The following KIDINS220 variants were observed in gnomAD, a reference collection of about 807,000 sequenced individuals.
KIDINS220 encodes kinase D-interacting substrate of 220 kDa.
KIDINS220 carries 63 observed loss-of-function variants against 157.6 expected under a neutral mutation model. The observed-to-expected ratio is 0.40, with a 90% CI of 0.33 to 0.49. The LOEUF is 0.49. Among genes scored for constraint, KIDINS220 ranks in the 20% least tolerant of loss-of-function variants. KIDINS220 has a pLI of 0.66. For missense variants in KIDINS220, 1,772 were observed against 2,171.2 expected (o/e 0.82, Z 3.65); for synonymous variants, 732 against 783.6 (o/e 0.93, Z 1.10).
rs948228713 is a variant in KIDINS220, at chr2:8,757,515, G to A, written c.3012-5871C>T. The stretch of plus-strand genomic sequence containing the variant: ...GAGGAGCAGAAGTGACTGTACTGTT[G>A]TTTGCTCTTTAATGTTTCAACTACC... On this transcript the variant is annotated intron_variant, in intron 22 of 29. Transcript: ENST00000256707. 9 of 1,434,298 alleles carry A rather than the reference G, an allele frequency of 6.3e-6. No individual in the cohort carries two copies. In the East Asian group the frequency reaches 2.3e-4, roughly 37 times the overall value. The allele number at this position is 1,434,298 out of a possible 1,614,324, so 88.8% of individuals were successfully genotyped here.
chr2:8,730,121 G>A lies in KIDINS220; in HGVS notation c.*599C>T, dbSNP rs1663830767. The A allele has an allele frequency of 1.0e-6, 1 of 985,764 alleles. No individual in the cohort carries two copies. The highest frequency in any genetic ancestry group is 1.2e-6 in the Non-Finnish European group (1 of 830,342). 61.1% of individuals were successfully genotyped at this position (985,764 alleles called of 1,614,324 possible). ...CCGTCACACTACTGCCAGCCCTGGT[G>A]ACTCACTTTGTTGGCAATTTTTAAA... On this transcript the variant is annotated 3_prime_UTR_variant, in exon 30 of 30. Transcript: ENST00000256707.
Position 8,761,306 on chromosome 2 carries a change from A to G in KIDINS220, c.3011+9364T>C, listed in dbSNP as rs565053477. Among the ~76,000 whole-genome samples, 7 of 152,306 alleles carry G rather than the reference A, an allele frequency of 4.6e-5. No homozygotes were observed. In the South Asian group the frequency reaches 1.4e-3, roughly 32 times the overall value. Reference sequence around the variant, plus strand: ...CTCTGAACTCAAAGTAGATCTATGAATATGTTTCAGATTAAGGCAAAATCT... The same window carrying G: ...CTCTGAACTCAAAGTAGATCTATGAGTATGTTTCAGATTAAGGCAAAATCT... On this transcript the variant is annotated intron_variant, in intron 22 of 29. Transcript: ENST00000256707.
intron 4 of KIDINS220, 61 bp from the exon 5 acceptor site, chr2:8,813,396 T>C (rs1676606533): frequency 9.0e-7 from 1 of 1,112,834 alleles, no homozygotes; most frequent in Non-Finnish European, 1.3e-6. Context: ...GTATAAAAAA[T>C]GTCACTAATG....
At chr2:8,816,408 G>A (rs1057408831) in intron 4 of KIDINS220, among the ~76,000 whole-genome samples, 1 of 152,124 alleles carries the variant, frequency 6.6e-6, no homozygotes, top group Non-Finnish European at 1.5e-5. Flanking sequence ...ACTATACATT[G>A]AGAATAAAAT....
In KIDINS220 at chr2:8,730,658, C is replaced by A. The variant is rs1376191285; in HGVS notation, c.*62G>T. 1 of 1,541,414 alleles carries A rather than the reference C, an allele frequency of 6.5e-7. No individual in the cohort carries two copies. Among genetic ancestry groups the A allele is most frequent in the Non-Finnish European group, 8.7e-7 (1 of 1,151,394 alleles). On this transcript the variant is annotated 3_prime_UTR_variant, in exon 30 of 30. Coordinates refer to ENST00000256707, the MANE Select transcript of KIDINS220 (RefSeq NM_020738.4). ...GAAAGGTGATGGGCGTGGATGGAGT[C>A]AAAATCCAGGACAATTCTGTCATAA...
rs75272513 is a variant in KIDINS220 at position 8,799,490 on chromosome 2, T to C, written c.900+910A>G. ...CAAACTTAGCTCAAGTTCTACCTTC[T>C]TCCAAAAGCCCCAGACCTTAAGGCC... On this transcript the variant is annotated intron_variant, in intron 9 of 29. Transcript: ENST00000256707. Among the ~76,000 whole-genome samples, 1,085 of 152,136 alleles carry C rather than the reference T, an allele frequency of 7.1e-3. 6 individuals are homozygous for C. The highest frequency in any genetic ancestry group is 9.7e-3 in the Non-Finnish European group (662 of 67,984).
At chr2:8,740,767 A>G (rs921191060) in intron 26 of KIDINS220, among the ~76,000 whole-genome samples, 2 of 152,258 alleles carry the variant, frequency 1.3e-5, no homozygotes, top group African/African-American at 2.4e-5. Context: ...TGTGATGAAC[A>G]TAACCATTTC....
intron 22 of KIDINS220, among the ~76,000 whole-genome samples, 161 bp downstream of exon 22, chr2:8,770,509 T>C (rs1466971105): frequency 6.6e-6 from 1 of 152,110 alleles, no homozygotes; most frequent in African/African-American, 2.4e-5. Flanking sequence ...ATACCTGTGC[T>C]AATACAACTC....
At chr2:8,786,711 T>C (rs886154382) in intron 15 of KIDINS220, among the ~76,000 whole-genome samples, 14 of 152,174 alleles carry the variant, frequency 9.2e-5, no homozygotes, top group Admixed American at 2.0e-4. Context: ...CGTGTCATGA[T>C]GTGGCCACCA....
chr2:8,774,514 G>T (rs1670701154), intron 21 of KIDINS220, among the ~76,000 whole-genome samples: 1 of 152,082 alleles, frequency 6.6e-6, no homozygotes, highest in South Asian at 2.1e-4. Context: ...TATACGAGAT[G>T]GTGAGGGAAG....
At chr2:8,792,896 G>T (rs979143873) in intron 12 of KIDINS220, among the ~76,000 whole-genome samples, 1 of 152,110 alleles carries the variant, frequency 6.6e-6, no homozygotes, top group Admixed American at 6.5e-5. Context: ...CTAGTTGTTA[G>T]CAAAACAAAC....
intron 24 of KIDINS220, among the ~76,000 whole-genome samples, chr2:8,748,687 T>C (rs1666907884): frequency 6.6e-6 from 1 of 152,194 alleles, no homozygotes; most frequent in Non-Finnish European, 1.5e-5. Context: ...TACACTGAGG[T>C]GAAACCTTCC....
At chr2:8,800,318 G>A in intron 9 of KIDINS220, 82 bp downstream of exon 9, 1 of 796,768 alleles carries the variant, frequency 1.3e-6, no homozygotes, top group Non-Finnish European at 2.0e-6. Flanking sequence ...CCATAGGAAA[G>A]TGGGAAGAAT....
chr2:8,740,623 A>G (rs1316197235), intron 26 of KIDINS220, among the ~76,000 whole-genome samples: 1 of 152,230 alleles, frequency 6.6e-6, no homozygotes, highest in East Asian at 1.9e-4. Flanking sequence ...ACTGTAGGTC[A>G]TGTTCAGAAA....
intron 22 of KIDINS220, among the ~76,000 whole-genome samples, chr2:8,755,805 T>C (rs1454171804): frequency 6.6e-6 from 1 of 152,276 alleles, no homozygotes; most frequent in Non-Finnish European, 1.5e-5. Flanking sequence ...GTATGGGTTT[T>C]TCTTGATTCT....
chr2:8,820,637 G>C (rs1677807057), intron 2 of KIDINS220, among the ~76,000 whole-genome samples: 1 of 151,816 alleles, frequency 6.6e-6, no homozygotes, highest in Non-Finnish European at 1.5e-5. Context: ...CATCCAACCA[G>C]GGTCATTAGG....
chr2:8,813,003 T>C (rs1330945916), intron 5 of KIDINS220, among the ~76,000 whole-genome samples: 4 of 152,214 alleles, frequency 2.6e-5, no homozygotes, highest in African/African-American at 9.6e-5. Context: ...CAATGTTATA[T>C]AGTTATAATT....
At chr2:8,837,043 G>A (rs866978175) in intron 1 of KIDINS220, among the ~76,000 whole-genome samples, 3 of 152,268 alleles carry the variant, frequency 2.0e-5, no homozygotes, top group Middle Eastern at 3.4e-3. Flanking sequence ...TAAAAGCAAG[G>A]GAGAAAACAA....
chr2:8,729,272 C>T lies in KIDINS220; in HGVS notation c.*1448G>A. 5.1e-6 allele frequency: 5 copies of T among 985,380 alleles called. No individual in the cohort carries two copies. The highest frequency in any genetic ancestry group is 6.0e-6 in the Non-Finnish European group (5 of 829,886). The allele number at this position is 985,380 out of a possible 1,614,324, so 61.0% of individuals were successfully genotyped here. On this transcript the variant is annotated 3_prime_UTR_variant, in exon 30 of 30. Transcript: ENST00000256707. Reference sequence around the variant, plus strand: ...GAAACACAAAAGAGCAACTATTTAGCACAATGACTGGCCCAGTAAATAACT... The same window carrying T: ...GAAACACAAAAGAGCAACTATTTAGTACAATGACTGGCCCAGTAAATAACT...
Sources: gnomAD v4.1 joint callset for allele counts (sites outside exome capture counted in the v4.1 genomes callset) on GRCh38, gnomAD v4.1.1 for gene constraint, MANE v1.5 for transcripts, NCBI Gene and HGNC (gene_info 2026-07-23, HGNC 2026-07-21) for gene names.